Variants in SPNS2 observed in about 807,000 individuals in gnomAD.
SPNS2 encodes the protein sphingosine-1-phosphate transporter SPNS2.
A neutral mutation model predicts 57.6 loss-of-function variants in SPNS2; 37 were observed. The observed-to-expected ratio is 0.64, with a 90% CI of 0.49 to 0.85. The LOEUF (loss-of-function observed/expected upper bound fraction) is 0.85. SPNS2 is among the 40% of genes least tolerant of loss of function. The pLI is 0.00. For missense variants in SPNS2, 831 were observed against 779.1 expected, an observed-to-expected ratio of 1.07 and a Z score of -0.79; for synonymous variants, 440 against 346.9, an observed-to-expected ratio of 1.27 and a Z score of -2.98.
intron 3 of SPNS2, among the ~76,000 whole-genome samples, chr17:4,526,205 G>A (rs562262018): frequency 1.4e-4 from 21 of 152,324 alleles, no homozygotes; most frequent in Admixed American, 9.8e-4. Context: ...AGGAGGTGGC[G>A]TTTGCGCTGG....
intron 4 of SPNS2, 45 bp downstream of exon 4, chr17:4,530,828 G>T (rs748870232): frequency 1.9e-6 from 3 of 1,590,638 alleles, no homozygotes; most frequent in South Asian, 1.1e-5. Context: ...TCTGGGCAAG[G>T]TTCCCTTGGA....
chr17:4,524,296 G>T lies in SPNS2; in HGVS notation c.437-761G>T, dbSNP rs189534667. Among the ~76,000 whole-genome samples, 19 of 152,296 alleles carry T rather than the reference G, an allele frequency of 1.2e-4. No individual in the cohort carries two copies. In the East Asian group the frequency reaches 3.7e-3, roughly 29 times the overall value. On this transcript the variant is annotated intron_variant, in intron 2 of 12. Coordinates refer to ENST00000329078, the MANE Select transcript of SPNS2 (RefSeq NM_001124758.3). Reference sequence around the variant, plus strand: ...CACTGGAACATTTACTGCCTGTGGGGTCTTGGCCAAGTCACTCTCCCTCTG... The same window carrying T: ...CACTGGAACATTTACTGCCTGTGGGTTCTTGGCCAAGTCACTCTCCCTCTG...
chr17:4,538,964 GA>G lies in SPNS2; in HGVS notation c.*1518del. 1.3e-6 allele frequency: 1 copy of G among 788,190 alleles called. No homozygotes were observed. The highest frequency in any genetic ancestry group is 2.4e-6 in the Non-Finnish European group (1 of 424,630). The allele number at this position is 788,190 out of a possible 1,614,324, so 48.8% of individuals were successfully genotyped here. ...TTTATTTTTTAGAGCTGCTGATTGTGAATCTCAGAGTCTTAAGAGAGAAGCC... is the reference window on the plus strand; with the variant it reads ...TTTATTTTTTAGAGCTGCTGATTGTGATCTCAGAGTCTTAAGAGAGAAGCC... On this transcript the variant is annotated 3_prime_UTR_variant, in exon 13 of 13. Coordinates refer to ENST00000329078, the MANE Select transcript of SPNS2 (RefSeq NM_001124758.3).
At chr17:4,523,602 T>C (rs1404316592) in intron 2 of SPNS2, among the ~76,000 whole-genome samples, 1 of 152,172 alleles carries the variant, frequency 6.6e-6, no homozygotes, top group Non-Finnish European at 1.5e-5. Flanking sequence ...ACCCCGTCTC[T>C]ACTAAAAATA....
chr17:4,529,181 G>A (rs76846776), intron 3 of SPNS2, among the ~76,000 whole-genome samples: 3 of 151,796 alleles, frequency 2.0e-5, no homozygotes, highest in Non-Finnish European at 2.9e-5. Flanking sequence ...TGATCCACCC[G>A]ACTCAGCCTC....
chr17:4,519,138 G>A (rs1905072528), intron 2 of SPNS2, among the ~76,000 whole-genome samples: 1 of 152,174 alleles, frequency 6.6e-6, no homozygotes, highest in South Asian at 2.1e-4. Context: ...AGGATGTGGA[G>A]GATGGTAGGT....
At chr17:4,537,063 C>T (rs1233241567) in intron 12 of SPNS2, 117 bp downstream of exon 12, 4 of 1,125,902 alleles carry the variant, frequency 3.6e-6, no homozygotes, top group Non-Finnish European at 5.2e-6. Context: ...ATCCCACCAA[C>T]TCTGGGCTTT....
chr17:4,518,263 G>A (rs1437382626), intron 2 of SPNS2, among the ~76,000 whole-genome samples: 1 of 152,194 alleles, frequency 6.6e-6, no homozygotes, highest in African/African-American at 2.4e-5. Flanking sequence ...GGTGGCTCAC[G>A]CCTGTAATCC....
At chr17:4,529,719 A>T (rs1401805552) in intron 3 of SPNS2, among the ~76,000 whole-genome samples, 2 of 152,144 alleles carry the variant, frequency 1.3e-5, no homozygotes, top group African/African-American at 4.8e-5. Context: ...CAAATGACCC[A>T]CCAGAAAAAC....
Position 4,512,007 on chromosome 17 carries a change from T to G in SPNS2, c.371-1240T>G, listed in dbSNP as rs1904840219. ...CTTCCTATGCTCCAGTTTCCTCATC[T>G]GTCAACTTGGATCCTAGTACCAGCC... is the stretch of plus-strand genomic sequence containing the variant. On this transcript the variant is annotated intron_variant, in intron 1 of 12. Coordinates refer to ENST00000329078, the MANE Select transcript of SPNS2 (RefSeq NM_001124758.3). This position sits in a 1 kb window ranked among gnomAD's most constrained non-coding sequence, Gnocchi z 5.2. Among the ~76,000 whole-genome samples the G allele has an allele frequency of 6.6e-6, 1 of 152,200 alleles. No individual in the cohort carries two copies. The highest frequency in any genetic ancestry group is 2.1e-4 in the South Asian group (1 of 4,834).
chr17:4,502,847 C>A (rs1318953969), intron 1 of SPNS2, among the ~76,000 whole-genome samples: 1 of 152,124 alleles, frequency 6.6e-6, no homozygotes, highest in Non-Finnish European at 1.5e-5. Context: ...TTTCAGGACA[C>A]CTTTGCAAGC....
intron 2 of SPNS2, among the ~76,000 whole-genome samples, chr17:4,514,907 C>T (rs948260324): frequency 2.0e-5 from 3 of 152,234 alleles, no homozygotes; most frequent in Non-Finnish European, 4.4e-5. Context: ...TGTGTGGCCC[C>T]TGACTCACTG....
rs913788661 is a variant in SPNS2, at chr17:4,499,472, C to G, written c.370+55C>G. ...CCAAGACCCCACCCCATCCCACCACCCGCCTCGAGGGAGGTACCCCAGAGA... is the reference window on the plus strand; with the variant it reads ...CCAAGACCCCACCCCATCCCACCACGCGCCTCGAGGGAGGTACCCCAGAGA... On this transcript the variant is annotated intron_variant, in intron 1 of 12. Transcript: ENST00000329078. This position sits in a 1 kb window ranked among gnomAD's most constrained non-coding sequence, Gnocchi z 5.2. 2.6e-6 allele frequency: 3 copies of G among 1,167,554 alleles called. No homozygotes were observed. Among genetic ancestry groups the G allele is most frequent in the African/African-American group, 1.6e-5 (1 of 62,060 alleles). The allele number at this position is 1,167,554 out of a possible 1,614,324, so 72.3% of individuals were successfully genotyped here.
rs201600154 is a variant in SPNS2, at chr17:4,533,205, C to T, written c.1089-38C>T. 1.3e-3 allele frequency: 2,013 copies of T among 1,580,110 alleles called. 7 individuals carry two copies. Among genetic ancestry groups the T allele is most frequent in the African/African-American group, 7.6e-3 (566 of 74,374 alleles). On this transcript the variant is annotated intron_variant, in intron 7 of 12. Coordinates refer to ENST00000329078, the MANE Select transcript of SPNS2 (RefSeq NM_001124758.3). Reference sequence around the variant, plus strand: ...GAGCCCCTCAGCCTTAGCCCTGAGCCGCCTCAACTCGTGCGCCACCATCCT... The same window carrying T: ...GAGCCCCTCAGCCTTAGCCCTGAGCTGCCTCAACTCGTGCGCCACCATCCT...
intron 1 of SPNS2, among the ~76,000 whole-genome samples, chr17:4,501,248 A>T (rs981914549): frequency 6.6e-5 from 10 of 151,864 alleles, no homozygotes; most frequent in Admixed American, 2.0e-4. Flanking sequence ...AGCGCTCTCC[A>T]ACTTGTTTTT....
chr17:4,534,617 G>T (rs140818425), intron 9 of SPNS2, among the ~76,000 whole-genome samples: 3 of 151,568 alleles, frequency 2.0e-5, no homozygotes, highest in Non-Finnish European at 4.4e-5. Context: ...CAGGCACTGC[G>T]GCCCCTGCAC....
intron 1 of SPNS2, among the ~76,000 whole-genome samples, chr17:4,501,923 T>C (rs1450712700): frequency 6.6e-6 from 1 of 152,212 alleles, no homozygotes; most frequent in Non-Finnish European, 1.5e-5. Flanking sequence ...TTTCATAGTG[T>C]AGACCAGCTT....
rs1457834206 is a variant in SPNS2 at position 4,499,182 on chromosome 17, G to T, written c.135G>T (p.Ala45=). Residue 45 remains alanine, a synonymous_variant, in exon 1 of 13, where the codon GCG becomes GCT. Coordinates refer to ENST00000329078, the MANE Select transcript of SPNS2 (RefSeq NM_001124758.3). This position sits in a 1 kb window ranked among gnomAD's most constrained non-coding sequence, Gnocchi z 5.2. ...GGSGCCGARG[A]GGAGVSAAGD... is the part of the protein sequence containing the mutation. Reference sequence around the variant, plus strand: ...GCGGTTGCTGCGGGGCGCGGGGCGCGGGCGGCGCTGGAGTCTCGGCCGCGG... The same window carrying T: ...GCGGTTGCTGCGGGGCGCGGGGCGCTGGCGGCGCTGGAGTCTCGGCCGCGG... 4 of 1,249,072 alleles carry T rather than the reference G, an allele frequency of 3.2e-6. No individual in the cohort carries two copies. The highest frequency in any genetic ancestry group is 4.0e-6 in the Non-Finnish European group (4 of 998,354). 77.4% of individuals were successfully genotyped at this position (1,249,072 alleles called of 1,614,324 possible). A position where few individuals can be genotyped will look rare whatever the true frequency, so the allele number is the denominator to read the frequency against.
intron 2 of SPNS2, among the ~76,000 whole-genome samples, chr17:4,524,645 C>T (rs1322219127): frequency 2.6e-5 from 4 of 152,144 alleles, no homozygotes; most frequent in Admixed American, 6.5e-5. Flanking sequence ...GAGTGTGCCA[C>T]GGCACTCCAG....
Sources: gnomAD v4.1 joint callset for allele counts (sites outside exome capture counted in the v4.1 genomes callset) on GRCh38, gnomAD v4.1.1 for gene constraint, Gnocchi (gnomAD v3.1) non-coding constraint, MANE v1.5 for transcripts, NCBI Gene and HGNC (gene_info 2026-07-23, HGNC 2026-07-21) for gene names.